MAP4: variants seen among roughly 807,000 people sequenced by gnomAD.
MAP4 encodes microtubule-associated protein 4.
Under a neutral mutation model 170.2 loss-of-function variants are expected in MAP4, and 76 were observed. That is an observed-to-expected ratio of 0.45 (90% confidence interval 0.37 to 0.54). The LOEUF is 0.54. Among genes scored for constraint, MAP4 ranks in the 20% least tolerant of loss-of-function variants. The pLI is 0.00. For missense variants in MAP4, 2,506 were observed against 2,748.0 expected (o/e 0.91, Z 1.97); for synonymous variants, 909 against 994.5 (o/e 0.91, Z 1.62).
intron 10 of MAP4, among the ~76,000 whole-genome samples, chr3:47,890,833 T>A (rs771508452): frequency 6.6e-6 from 1 of 152,188 alleles, no homozygotes; most frequent in Non-Finnish European, 1.5e-5. Flanking sequence ...AGCTTGACCC[T>A]GCAAGATTCA....
Position 47,916,552 on chromosome 3 carries a change from T to C in MAP4, c.1275A>G (p.Ile425Met), listed in dbSNP as rs2100039329. 3 of 1,614,134 alleles carry C rather than the reference T, an allele frequency of 1.9e-6. No individual in the cohort carries two copies. Among genetic ancestry groups the C allele is most frequent in the Non-Finnish European group, 2.5e-6 (3 of 1,179,962 alleles). ...CAGCAGAGGATATTTCTGTGGATGA[T>C]ATAATGTCATTAGCCTGTGCCACCT... ...EIEVAQANDI[I>M]SSTEISSAEK... Residue 425 changes from isoleucine (I) to methionine (M), a missense_variant, in exon 7 of 21, where the codon ATA becomes ATG. Physicochemically the swap from Ile to Met is conservative, Grantham distance 10 (BLOSUM62 1). Coordinates refer to ENST00000683076, the MANE Select transcript of MAP4 (RefSeq NM_001385682.1).
intron 1 of MAP4, among the ~76,000 whole-genome samples, chr3:48,053,896 G>C (rs2100129230): frequency 6.6e-6 from 1 of 152,056 alleles, no homozygotes; most frequent in Admixed American, 6.5e-5. Context: ...TATATTCACA[G>C]GAAATGTCTA....
At position 48,035,190 on chromosome 3, in the gene MAP4, G is replaced by GAAA. The variant is rs71625848; in HGVS notation, c.-19-36314_-19-36312dup. ...AACCTACCTTGGGTCTGATTTGTAT[G>GAAA]AAAAAAAAAAAAAAAAAAGGATTTC... On this transcript the variant is annotated intron_variant, in intron 1 of 18. Coordinates refer to the MAP4 transcript ENST00000360240. 9.5e-5 allele frequency among the ~76,000 whole-genome samples: 8 copies of GAAA among 84,014 alleles called. No homozygotes were observed. The East Asian group carries it at 1.0e-3, about 11-fold the overall frequency. The allele number at this position is 84,014 out of a possible 152,430, so 55.1% of individuals were successfully genotyped here. A position where few individuals can be genotyped will look rare whatever the true frequency, so the allele number is the denominator to read the frequency against.
chr3:47,866,303 C>T (rs755022625), intron 17 of MAP4, among the ~76,000 whole-genome samples: 1 of 151,358 alleles, frequency 6.6e-6, no homozygotes, highest in Non-Finnish European at 1.5e-5. Context: ...CACCACTGCA[C>T]GCCAGCCTGG....
intron 3 of MAP4, among the ~76,000 whole-genome samples, chr3:47,931,160 A>G (rs1244471567): frequency 6.6e-6 from 1 of 151,978 alleles, no homozygotes; most frequent in Non-Finnish European, 1.5e-5. Context: ...AGGTCACCTG[A>G]GCCCAGGAGT....
chr3:47,890,023 C>T (rs1197534339), intron 10 of MAP4, among the ~76,000 whole-genome samples: 1 of 150,590 alleles, frequency 6.6e-6, no homozygotes, highest in African/African-American at 2.4e-5. Flanking sequence ...AAAAAAAGTA[C>T]AATTTCATAA....
intron 1 of MAP4, among the ~76,000 whole-genome samples, chr3:48,011,639 T>C (rs962353937): frequency 3.3e-5 from 5 of 152,140 alleles, no homozygotes; most frequent in African/African-American, 1.2e-4. Flanking sequence ...AGCCCTATTC[T>C]ATGCTCGTCC....
chr3:47,892,634 A>T, intron 10 of MAP4: 1 of 1,412,810 alleles, frequency 7.1e-7, no homozygotes, highest in Non-Finnish European at 9.2e-7. Context: ...CTCTCTCCTC[A>T]AGCAGTTGAG....
intron 1 of MAP4, among the ~76,000 whole-genome samples, chr3:48,036,608 C>T (rs1204749392): frequency 1.3e-5 from 2 of 152,214 alleles, no homozygotes; most frequent in African/African-American, 4.8e-5. Flanking sequence ...CCTCCAGACT[C>T]TTGACGAGGC....
intron 1 of MAP4, among the ~76,000 whole-genome samples, chr3:48,009,818 T>G (rs1226574315): frequency 6.6e-6 from 1 of 152,208 alleles, no homozygotes; most frequent in Non-Finnish European, 1.5e-5. Context: ...TATGTTCTGC[T>G]GGCCTAGAGG....
At chr3:47,891,055 T>C in intron 10 of MAP4, 1 of 1,506,748 alleles carries the variant, frequency 6.6e-7, no homozygotes, top group Non-Finnish European at 8.8e-7. Context: ...ACAGGAACGA[T>C]GGAGTGCTCT....
chr3:47,944,949 CTTTTTTT>C (rs35189919), intron 3 of MAP4, among the ~76,000 whole-genome samples: 1 of 127,138 alleles, frequency 7.9e-6, no homozygotes, highest in Non-Finnish European at 1.7e-5. Flanking sequence ...AAAAAGGAAC[CTTTTTTT>C]TTTTTTTTTT....
chr3:48,020,413 G>A (rs1455977106), upstream of MAP4, among the ~76,000 whole-genome samples: 1 of 152,212 alleles, frequency 6.6e-6, no homozygotes, highest in Non-Finnish European at 1.5e-5. Context: ...ACAGCTGGAA[G>A]CACCCTCATA....
At chr3:47,896,384 C>A (rs777145666) in intron 10 of MAP4, among the ~76,000 whole-genome samples, 1 of 152,110 alleles carries the variant, frequency 6.6e-6, no homozygotes, top group Non-Finnish European at 1.5e-5. Flanking sequence ...ACAAAATTAG[C>A]CGGGCGTGGT....
In MAP4 at chr3:47,945,647, T is replaced by A. The variant is rs532291429; in HGVS notation, c.293-17297A>T. Among the ~76,000 whole-genome samples the A allele has an allele frequency of 2.4e-4, 36 of 152,210 alleles. No homozygotes were observed. The South Asian group carries it at 6.2e-3, about 26-fold the overall frequency. On this transcript the variant is annotated intron_variant, in intron 3 of 20. Coordinates refer to ENST00000683076, the MANE Select transcript of MAP4 (RefSeq NM_001385682.1). The stretch of plus-strand genomic sequence containing the variant: ...AGATGCAATCTACAAATTAAGATTC[T>A]TCTTTTTGCAACACCTTTGTTCTAC...
At chr3:47,898,863 G>T (rs893665082) in intron 10 of MAP4, among the ~76,000 whole-genome samples, 4 of 152,116 alleles carry the variant, frequency 2.6e-5, no homozygotes. Context: ...GGCTGAAGAA[G>T]GAGGATCACT....
chr3:48,068,829 A>T (rs1306271568), intron 1 of MAP4, among the ~76,000 whole-genome samples: 1 of 152,200 alleles, frequency 6.6e-6, no homozygotes, highest in Non-Finnish European at 1.5e-5. Context: ...CTCCTAAGAC[A>T]TTCATTTAAA....
chr3:47,921,135 G>A (rs965799250), intron 5 of MAP4, among the ~76,000 whole-genome samples: 1 of 152,092 alleles, frequency 6.6e-6, no homozygotes, highest in Non-Finnish European at 1.5e-5. Context: ...GTGACAGAGT[G>A]AGACCCTGTC....
chr3:47,882,329 A>T (rs558281740), intron 10 of MAP4, among the ~76,000 whole-genome samples: 12 of 152,244 alleles, frequency 7.9e-5, no homozygotes, highest in Admixed American at 5.2e-4. Context: ...CTGCTATGTT[A>T]AGGCTTAAGT....
Sources: allele counts gnomAD v4.1 joint callset (sites outside exome capture counted in the v4.1 genomes callset), GRCh38; gene constraint gnomAD v4.1.1; transcripts MANE v1.5; gene names NCBI Gene and HGNC (gene_info 2026-07-23, HGNC 2026-07-21).